Variants in LRCH1 observed in about 807,000 individuals in gnomAD.
LRCH1 encodes leucine rich repeats and calponin homology domain containing 1.
Under a neutral mutation model 94.9 loss-of-function variants are expected in LRCH1, and 23 were observed. That is an observed-to-expected ratio of 0.24 (90% CI 0.17 to 0.34). The LOEUF (loss-of-function observed/expected upper bound fraction) is 0.34, where lower values mean the gene tolerates loss of function less well. Among genes scored for constraint, LRCH1 ranks in the 10% least tolerant of loss-of-function variants. The pLI is 1.00. For missense variants in LRCH1, 790 were observed against 945.9 expected, an observed-to-expected ratio of 0.84 and a Z score of 2.16; for synonymous variants, 364 against 354.9, an observed-to-expected ratio of 1.03 and a Z score of -0.29.
chr13:46,659,287 G>A (rs2138097210), intron 2 of LRCH1, among the ~76,000 whole-genome samples: 1 of 152,184 alleles, frequency 6.6e-6, no homozygotes, highest in Non-Finnish European at 1.5e-5. Flanking sequence ...CCGCTTCGTG[G>A]GTTCAAGCGA....
chr13:46,672,866 G>A (rs1410967321), intron 3 of LRCH1, among the ~76,000 whole-genome samples: 1 of 152,186 alleles, frequency 6.6e-6, no homozygotes, highest in Non-Finnish European at 1.5e-5. Flanking sequence ...GAAGAAACCC[G>A]AGGCAGAAAG....
chr13:46,706,180 C>T (rs550056451), intron 13 of LRCH1, among the ~76,000 whole-genome samples: 21 of 152,144 alleles, frequency 1.4e-4, no homozygotes, highest in Non-Finnish European at 2.6e-4. Context: ...TTAAGCGCAG[C>T]GACTTGGAAT....
chr13:46,710,856 G>A (rs559040377), intron 13 of LRCH1, among the ~76,000 whole-genome samples: 1 of 152,240 alleles, frequency 6.6e-6, no homozygotes, highest in South Asian at 2.1e-4. Context: ...TTATAAAGAA[G>A]GCAGATCTGG....
At chr13:46,599,644 A>C (rs2050604183) in intron 1 of LRCH1, among the ~76,000 whole-genome samples, 1 of 152,232 alleles carries the variant, frequency 6.6e-6, no homozygotes, top group South Asian at 2.1e-4. Context: ...TTTATTATTA[A>C]ACTTAGTAGC....
chr13:46,706,585 T>C (rs1871772162), intron 13 of LRCH1, among the ~76,000 whole-genome samples: 1 of 152,154 alleles, frequency 6.6e-6, no homozygotes, highest in African/African-American at 2.4e-5. Flanking sequence ...AATAATTTTT[T>C]TAATTTAATT....
intron 18 of LRCH1, among the ~76,000 whole-genome samples, chr13:46,733,635 GA>G (rs1299394248): frequency 6.6e-6 from 1 of 151,732 alleles, no homozygotes; most frequent in Non-Finnish European, 1.5e-5. Flanking sequence ...GTATATACAT[GA>G]TATACAAACA....
At chr13:46,580,096 A>T (rs1220397057) in intron 1 of LRCH1, among the ~76,000 whole-genome samples, 1 of 152,192 alleles carries the variant, frequency 6.6e-6, no homozygotes, top group Non-Finnish European at 1.5e-5. Flanking sequence ...CCTCTTTATA[A>T]CATTTGTTCC....
intron 1 of LRCH1, among the ~76,000 whole-genome samples, chr13:46,589,338 G>A (rs1403666070): frequency 1.3e-5 from 2 of 151,868 alleles, no homozygotes; most frequent in African/African-American, 4.8e-5. Flanking sequence ...CTAAGTTCTT[G>A]AGCATCTGTT....
At chr13:46,603,547 A>G (rs2050654615) in intron 1 of LRCH1, among the ~76,000 whole-genome samples, 1 of 151,764 alleles carries the variant, frequency 6.6e-6, no homozygotes, top group Non-Finnish European at 1.5e-5. Flanking sequence ...AAATTTCAAG[A>G]CTCCTGCTAC....
At position 46,742,648 on chromosome 13, in the gene LRCH1, T is replaced by C; in HGVS notation, c.*800T>C. On this transcript the variant is annotated 3_prime_UTR_variant, in exon 20 of 20. Coordinates refer to ENST00000389797, the MANE Select transcript of LRCH1 (RefSeq NM_001164211.2). ...CTCTTGAGGCTCTTAGAAAAGCGTT[T>C]TCCAGAGAGATTTCTATTTTTGAAC... 1.0e-6 allele frequency: 1 copy of C among 985,438 alleles called. No homozygotes were observed. Among genetic ancestry groups the C allele is most frequent in the Non-Finnish European group, 1.2e-6 (1 of 829,932 alleles). 61.0% of individuals were successfully genotyped at this position (985,438 alleles called of 1,614,324 possible).
chr13:46,588,307 T>C (rs181276616), intron 1 of LRCH1, among the ~76,000 whole-genome samples: 131 of 152,350 alleles, frequency 8.6e-4, no homozygotes, highest in Admixed American at 1.5e-3. Flanking sequence ...GTAGCCGTTT[T>C]CAGAGATAAA....
rs115224715 is a variant in LRCH1 at position 46,742,483 on chromosome 13, C to T, written c.*635C>T. On this transcript the variant is annotated 3_prime_UTR_variant, in exon 20 of 20. Transcript: ENST00000389797. ...CGCGAAGGGCGCTGGGCAGTGTGGC[C>T]GCCAACTTCCACCCCGGCAAGCCCC... 4.1e-3 allele frequency: 4,074 copies of T among 986,086 alleles called. 107 individuals carry two copies. In the African/African-American group the frequency reaches 0.057, roughly 14 times the overall value. 61.1% of individuals were successfully genotyped at this position (986,086 alleles called of 1,614,324 possible).
chr13:46,588,567 G>A (rs1395243399), intron 1 of LRCH1, among the ~76,000 whole-genome samples: 1 of 149,946 alleles, frequency 6.7e-6, no homozygotes, highest in Non-Finnish European at 1.5e-5. Context: ...TAATTAACAT[G>A]GTGCTGTATT....
intron 1 of LRCH1, among the ~76,000 whole-genome samples, chr13:46,606,631 G>T (rs753321528): frequency 2.6e-5 from 4 of 152,164 alleles, no homozygotes; most frequent in Non-Finnish European, 4.4e-5. Flanking sequence ...GAGTACAGTG[G>T]CACAATCTCA....
chr13:46,572,169 C>G lies in LRCH1; in HGVS notation c.307+18466C>G, dbSNP rs187622929. ...TGCACTCCTCTTCCTACTTGTACCC[C>G]CACTGCAGGCCATGCCTGGGGACTC... On this transcript the variant is annotated intron_variant, in intron 1 of 19. Coordinates refer to ENST00000389797, the MANE Select transcript of LRCH1 (RefSeq NM_001164211.2). 2.8e-4 allele frequency among the ~76,000 whole-genome samples: 42 copies of G among 152,350 alleles called. No homozygotes were observed. The East Asian group carries it at 7.9e-3, about 29-fold the overall frequency.
downstream of LRCH1, among the ~76,000 whole-genome samples, chr13:46,746,550 A>C (rs746220725): frequency 1.3e-5 from 2 of 152,186 alleles, no homozygotes; most frequent in Non-Finnish European, 2.9e-5. Context: ...AAAAAAGCCC[A>C]TGGGCAAACT....
chr13:46,609,919 C>T (rs1171812145), intron 1 of LRCH1, among the ~76,000 whole-genome samples: 1 of 152,118 alleles, frequency 6.6e-6, no homozygotes. Flanking sequence ...AAGCGTTAAA[C>T]AAGTGTCTGT....
chr13:46,573,289 G>A (rs947655442), intron 1 of LRCH1, among the ~76,000 whole-genome samples: 2 of 152,172 alleles, frequency 1.3e-5, no homozygotes, highest in Admixed American at 6.5e-5. Flanking sequence ...GTGAATAAAT[G>A]GCTGGATGAA....
chr13:46,586,095 T>C (rs1348810605), intron 1 of LRCH1, among the ~76,000 whole-genome samples: 2 of 152,246 alleles, frequency 1.3e-5, no homozygotes, highest in Admixed American at 1.3e-4. Context: ...TTTTCACAGC[T>C]TCCAGCCCCA....
Sources: gnomAD v4.1 joint callset for allele counts (sites outside exome capture counted in the v4.1 genomes callset) on GRCh38, gnomAD v4.1.1 for gene constraint, MANE v1.5 for transcripts, NCBI Gene and HGNC (gene_info 2026-07-23, HGNC 2026-07-21) for gene names.